Variants in TRIP11 observed in about 807,000 individuals in gnomAD.
TRIP11 encodes the protein thyroid receptor-interacting protein 11.
A neutral mutation model predicts 223.1 loss-of-function variants in TRIP11; 148 were observed. The ratio of observed to expected loss-of-function variants is 0.66; its 90% CI spans 0.58 to 0.76. The LOEUF is 0.76. Ranked by LOEUF, TRIP11 falls within the 30% of genes least tolerant of loss-of-function variation. The probability of loss-of-function intolerance (pLI) is 0.00; values close to 1 mark genes in which losing one functional copy is unlikely to be tolerated. For synonymous variants in TRIP11, 762 were observed against 772.6 expected, an observed-to-expected ratio of 0.99 and a Z score of 0.23; for missense variants, 2,043 against 2,222.0, an observed-to-expected ratio of 0.92 and a Z score of 1.62.
intron 10 of TRIP11, 54 bp from the exon 11 acceptor site, chr14:92,006,502 AAAG>A (rs2056905219): frequency 6.3e-7 from 1 of 1,578,784 alleles, no homozygotes; most frequent in Admixed American, 1.7e-5. Flanking sequence ...TTTAGTACTC[AAAG>A]AAAATTTTAT....
chr14:91,997,075 T>C (rs1358535836), intron 13 of TRIP11, among the ~76,000 whole-genome samples: 2 of 152,122 alleles, frequency 1.3e-5, no homozygotes, highest in Admixed American at 6.6e-5. Flanking sequence ...AGAGCACAAG[T>C]TGGTAATCAG....
chr14:91,972,258 T>C (rs1412732063), intron 20 of TRIP11, among the ~76,000 whole-genome samples: 1 of 152,192 alleles, frequency 6.6e-6, no homozygotes, highest in African/African-American at 2.4e-5. Flanking sequence ...TATATTAACA[T>C]GCCAATGTTT....
chr14:92,031,594 G>A (rs1010115137), intron 2 of TRIP11, among the ~76,000 whole-genome samples: 10 of 152,034 alleles, frequency 6.6e-5, no homozygotes, highest in Non-Finnish European at 1.3e-4. Flanking sequence ...CAACCACAAC[G>A]AAAAGAACTA....
chr14:92,006,311 T>A lies in TRIP11; in HGVS notation c.1665A>T (p.Lys555Asn). The A allele has an allele frequency of 1.2e-6, 2 of 1,610,832 alleles. No homozygotes were observed. Among genetic ancestry groups the A allele is most frequent in the Non-Finnish European group, 1.7e-6 (2 of 1,178,776 alleles). ...GCTTTTCTTTCTGTACATCTAACTC[T>A]TTAGTAATGTCCATTTTATCATCTT... ...QLEDDKMDIT[K>N]ELDVQKEKLI... The change falls in exon 11 of 21, where the codon AAA becomes AAT. Residue 555 changes from lysine to asparagine, a missense_variant. Physicochemically the swap from Lys to Asn is moderately conservative, Grantham distance 94. Transcript: ENST00000267622.
intron 12 of TRIP11, 38 bp from the exon 13 acceptor site, chr14:91,999,471 C>T (rs777058306): frequency 6.3e-7 from 1 of 1,592,534 alleles, no homozygotes; most frequent in East Asian, 2.2e-5. Flanking sequence ...ACAAAATGCT[C>T]CCTTTCCACT....
rs568433195 is a variant in TRIP11 at position 91,966,823 on chromosome 14, T to TA, written c.*2849dup. On this transcript the variant is annotated 3_prime_UTR_variant, in exon 21 of 21. Transcript: ENST00000267622. ...AGGTTGAAAACCATTAGGAATGTGG[T>TA]AAAAAACTATGGCAGCGAAGGTGGA... 29 of 218,936 alleles carry TA rather than the reference T, an allele frequency of 1.3e-4. No individual in the cohort carries two copies. The East Asian group carries it at 1.8e-3, about 14-fold the overall frequency. 13.6% of individuals were successfully genotyped at this position (218,936 alleles called of 1,614,324 possible).
At chr14:92,032,668 A>G (rs1172171269) in intron 2 of TRIP11, among the ~76,000 whole-genome samples, 3 of 151,890 alleles carry the variant, frequency 2.0e-5, no homozygotes, top group Admixed American at 6.6e-5. Context: ...CCCTGTCTCT[A>G]CTAAAAATAC....
rs185221167 is a variant in TRIP11 at position 92,007,892 on chromosome 14, T to C, written c.1315-40A>G. 6.4e-3 allele frequency: 9,618 copies of C among 1,498,454 alleles called. 47 individuals carry two copies. The highest frequency in any genetic ancestry group is 7.5e-3 in the Non-Finnish European group (8,186 of 1,095,108). 92.8% of individuals were successfully genotyped at this position (1,498,454 alleles called of 1,614,324 possible). A position where few individuals can be genotyped will look rare whatever the true frequency, so the allele number is the denominator to read the frequency against. Reference sequence around the variant, plus strand: ...GGAAAAAAGCAACACATACTTTCAATTGGAGACACCAAAAGATTAAAAACA... The same window carrying C: ...GGAAAAAAGCAACACATACTTTCAACTGGAGACACCAAAAGATTAAAAACA... On this transcript the variant is annotated intron_variant, in intron 9 of 20. Coordinates refer to ENST00000267622, the MANE Select transcript of TRIP11 (RefSeq NM_004239.4).
intron 13 of TRIP11, 35 bp downstream of exon 13, chr14:91,999,205 C>T (rs1191851900): frequency 6.3e-7 from 1 of 1,599,922 alleles, no homozygotes; most frequent in South Asian, 1.1e-5. Flanking sequence ...AAGAAGTGTT[C>T]AGTTAAAGTT....
At chr14:92,029,438 G>C (rs1035728709) in intron 2 of TRIP11, among the ~76,000 whole-genome samples, 1 of 151,810 alleles carries the variant, frequency 6.6e-6, no homozygotes, top group Non-Finnish European at 1.5e-5. Flanking sequence ...TGGGATTACA[G>C]GCACGTGCTA....
Position 92,005,819 on chromosome 14 carries a change from T to C in TRIP11, c.2157A>G (p.Gly719=), listed in dbSNP as rs1043340049. The change falls in exon 11 of 21, where the codon GGA becomes GGG. Residue 719 remains glycine (G), a synonymous_variant. Transcript: ENST00000267622. Reference sequence around the variant, plus strand: ...CCCAACACAATTCTGCCTCTATCTCTCCTTTTTCCATTTTTAGAGTCTCCA... The same window carrying C: ...CCCAACACAATTCTGCCTCTATCTCCCCTTTTTCCATTTTTAGAGTCTCCA... ...TIVETLKMEK[G]EIEAELCWAK... 6.2e-7 allele frequency: 1 copy of C among 1,614,118 alleles called. No individual in the cohort carries two copies. Among genetic ancestry groups the C allele is most frequent in the Non-Finnish European group, 8.5e-7 (1 of 1,180,030 alleles).
In TRIP11 at chr14:92,005,367, T is replaced by C. The variant is rs375135703; in HGVS notation, c.2609A>G (p.Glu870Gly). 5 of 1,613,518 alleles carry C rather than the reference T, an allele frequency of 3.1e-6. No individual in the cohort carries two copies. Among genetic ancestry groups the C allele is most frequent in the Non-Finnish European group, 4.2e-6 (5 of 1,179,858 alleles). The change falls in exon 11 of 21, where the codon GAA becomes GGA. Residue 870 changes from glutamate to glycine, a missense_variant. Physicochemically the swap from Glu to Gly is moderately conservative, Grantham distance 98 (BLOSUM62 -2). Transcript: ENST00000267622. ...TCGACTCTGCTCTTCCCTGAGTCGT[T>C]CCAATTCTTCTTGCAGATGATTATT... ...EENNHLQEEL[E>G]RLREEQSRTA...
chr14:91,989,770 T>C (rs1185322115), intron 15 of TRIP11, among the ~76,000 whole-genome samples: 2 of 152,124 alleles, frequency 1.3e-5, no homozygotes, highest in Admixed American at 1.3e-4. Flanking sequence ...AAAGGCACAT[T>C]ATTCTGGATA....
At chr14:92,024,226 A>G (rs1022858385) in intron 3 of TRIP11, among the ~76,000 whole-genome samples, 4 of 152,082 alleles carry the variant, frequency 2.6e-5, no homozygotes, top group Non-Finnish European at 4.4e-5. Flanking sequence ...AAAAATTCAA[A>G]AATTAGCCAG....
chr14:91,998,928 C>A (rs1394770374), intron 13 of TRIP11, among the ~76,000 whole-genome samples: 1 of 152,080 alleles, frequency 6.6e-6, no homozygotes, highest in Admixed American at 6.6e-5. Flanking sequence ...TTGAACAGAG[C>A]CAATTAAAAT....
Position 91,999,473 on chromosome 14 carries a change from C to CT in TRIP11, c.4699-41dup, listed in dbSNP as rs750251381. 3.8e-6 allele frequency: 6 copies of CT among 1,586,198 alleles called. No homozygotes were observed. The South Asian group carries it at 6.7e-5, about 18-fold the overall frequency. ...TTATTTTTCTTTTACAAAATGCTCC[C>CT]TTTCCACTGCTACAAACCATTTTGT... On this transcript the variant is annotated intron_variant, in intron 12 of 20. Transcript: ENST00000267622.
At chr14:91,972,031 T>G (rs1168978280) in intron 20 of TRIP11, among the ~76,000 whole-genome samples, 1 of 152,216 alleles carries the variant, frequency 6.6e-6, no homozygotes, top group Non-Finnish European at 1.5e-5. Flanking sequence ...AATTTGTTTA[T>G]AGTCCAACAG....
Position 92,004,437 on chromosome 14 carries a change from C to T in TRIP11, c.3539G>A (p.Cys1180Tyr). ...TTGTAAAACTGCCAATAAAGTCTGA[C>T]ATTTCTGACTTAGTGCATCTATTTC... ...DIEIDALSQKCQTLLAVLQTS... is the reference protein window; with the variant it reads ...DIEIDALSQKYQTLLAVLQTS... Residue 1180 changes from cysteine (C) to tyrosine (Y), a missense_variant, in exon 11 of 21, where the codon TGT becomes TAT. Transcript: ENST00000267622. 2 of 1,613,924 alleles carry T rather than the reference C, an allele frequency of 1.2e-6. No homozygotes were observed. Among genetic ancestry groups the T allele is most frequent in the South Asian group, 1.1e-5 (1 of 91,084 alleles).
chr14:92,010,254 G>A (rs888448408), intron 9 of TRIP11, among the ~76,000 whole-genome samples: 1 of 152,108 alleles, frequency 6.6e-6, no homozygotes, highest in African/African-American at 2.4e-5. Context: ...TCTTTCACCA[G>A]GCGTGGTGGC....
Sources: gnomAD v4.1 joint callset for allele counts (sites outside exome capture counted in the v4.1 genomes callset) on GRCh38, gnomAD v4.1.1 for gene constraint, MANE v1.5 for transcripts, NCBI Gene and HGNC (gene_info 2026-07-23, HGNC 2026-07-21) for gene names.